Variants in ABLIM2 observed in about 807,000 individuals in gnomAD.
ABLIM2 encodes actin binding LIM protein family member 2.
In ABLIM2, 53 loss-of-function variants were observed where a neutral mutation model predicts 97.7. The observed-to-expected ratio is 0.54, with a 90% CI of 0.44 to 0.68. The LOEUF is 0.68. Ranked by LOEUF, ABLIM2 falls within the 30% of genes least tolerant of loss-of-function variation. ABLIM2 has a pLI of 0.00. For synonymous variants in ABLIM2, 361 were observed against 345.8 expected, an observed-to-expected ratio of 1.04 and a Z score of -0.49; for missense variants, 835 against 867.2, an observed-to-expected ratio of 0.96 and a Z score of 0.47.
Position 8,140,157 on chromosome 4 carries a change from ATACC to A in ABLIM2, c.10+18519_10+18522del, listed in dbSNP as rs1850750383. Among the ~76,000 whole-genome samples, 1 of 152,110 alleles carries A rather than the reference ATACC, an allele frequency of 6.6e-6. No homozygotes were observed. Among genetic ancestry groups the A allele is most frequent in the Non-Finnish European group, 1.5e-5 (1 of 68,014 alleles). On this transcript the variant is annotated intron_variant, in intron 1 of 20. Transcript: ENST00000447017. The surrounding 1 kb of genome is among the most constrained non-coding windows in gnomAD (Gnocchi z 5.9). ...AAATAGCTAATGCACGCAGGGCTCAATACCTTGGTGTGGGTTAACAGGTGCGGCA... is the reference window on the plus strand; with the variant it reads ...AAATAGCTAATGCACGCAGGGCTCAATTGGTGTGGGTTAACAGGTGCGGCA...
chr4:8,152,639 C>T (rs540777394), intron 1 of ABLIM2, among the ~76,000 whole-genome samples: 7 of 152,310 alleles, frequency 4.6e-5, no homozygotes, highest in South Asian at 4.1e-4. Flanking sequence ...TCTGCTCTTT[C>T]GGGGCTTCCC....
At position 8,019,624 on chromosome 4, in the gene ABLIM2, G is replaced by A. The variant is rs139932217; in HGVS notation, c.1417C>T (p.Gln473Ter). The A allele has an allele frequency of 6.2e-7, 1 of 1,612,078 alleles. No individual in the cohort carries two copies. ...GGGAGGAATCCAACCGTACCATGCT[G>A]TCTGTAGATAGGGGGTTTCCTATAG... is the stretch of plus-strand genomic sequence containing the variant. ...NIYRKPPIYR[Q>*]HAARRSDGED... The change falls in exon 14 of 21, where the codon CAG becomes TAG. Residue 473 changes from glutamine to a stop codon, truncating the protein, a stop_gained. Coordinates refer to ENST00000447017, the MANE Select transcript of ABLIM2 (RefSeq NM_001130083.2). LOFTEE classifies it high-confidence loss of function. This position sits in a 1 kb window ranked among gnomAD's most constrained non-coding sequence, Gnocchi z 4.3.
rs1171774606 is a variant in ABLIM2 at position 8,019,960 on chromosome 4, G to A, written c.1369+242C>T. On this transcript the variant is annotated intron_variant, in intron 13 of 20. Transcript: ENST00000447017. The surrounding 1 kb of genome is among the most constrained non-coding windows in gnomAD (Gnocchi z 4.3). ...CTTTTCCTTCACCCCATTCCCAGGAGGACAGGTGTATCTCCCTGCCGTTTG... is the reference window on the plus strand; with the variant it reads ...CTTTTCCTTCACCCCATTCCCAGGAAGACAGGTGTATCTCCCTGCCGTTTG... Among the ~76,000 whole-genome samples, 2 of 152,188 alleles carry A rather than the reference G, an allele frequency of 1.3e-5. No individual in the cohort carries two copies. The highest frequency in any genetic ancestry group is 4.8e-5 in the African/African-American group (2 of 41,430).
In ABLIM2 at chr4:8,132,940, G is replaced by C. The variant is rs1215351807; in HGVS notation, c.10+25740C>G. On this transcript the variant is annotated intron_variant, in intron 1 of 20. Coordinates refer to ENST00000447017, the MANE Select transcript of ABLIM2 (RefSeq NM_001130083.2). The surrounding 1 kb of genome is among the most constrained non-coding windows in gnomAD (Gnocchi z 8.0). The stretch of plus-strand genomic sequence containing the variant: ...GGTGTCCCGTGGCTGCTGTGACACA[G>C]TGCCACAGACGGCAGCTTAACAACA... Among the ~76,000 whole-genome samples, 2 of 152,182 alleles carry C rather than the reference G, an allele frequency of 1.3e-5. No individual in the cohort carries two copies. Among genetic ancestry groups the C allele is most frequent in the African/African-American group, 4.8e-5 (2 of 41,452 alleles).
At chr4:8,006,412 C>T (rs952223382) in intron 16 of ABLIM2, among the ~76,000 whole-genome samples, 3 of 152,224 alleles carry the variant, frequency 2.0e-5, no homozygotes, top group African/African-American at 7.2e-5. Flanking sequence ...CCCAGCCTTG[C>T]AGAGTTCTGC....
At chr4:8,052,314 G>A (rs1796545291) in intron 8 of ABLIM2, among the ~76,000 whole-genome samples, 1 of 152,298 alleles carries the variant, frequency 6.6e-6, no homozygotes. Context: ...GGGCCCTGTG[G>A]TCACTTCGGA....
chr4:8,042,592 G>A (rs896284747), intron 9 of ABLIM2, among the ~76,000 whole-genome samples: 6 of 152,316 alleles, frequency 3.9e-5, no homozygotes, highest in Admixed American at 3.9e-4. Flanking sequence ...TGTAACCCCA[G>A]CACTGTGGCA....
chr4:7,972,287 C>T (rs1291434758), intron 20 of ABLIM2, among the ~76,000 whole-genome samples: 2 of 152,194 alleles, frequency 1.3e-5, no homozygotes, highest in Non-Finnish European at 2.9e-5. Context: ...TCCTCTGCTG[C>T]GTGGTGTACT....
At position 8,128,326 on chromosome 4, in the gene ABLIM2, C is replaced by T. The variant is rs962932469; in HGVS notation, c.11-21689G>A. On this transcript the variant is annotated intron_variant, in intron 1 of 20. Coordinates refer to ENST00000447017, the MANE Select transcript of ABLIM2 (RefSeq NM_001130083.2). The surrounding 1 kb of genome is among the most constrained non-coding windows in gnomAD (Gnocchi z 4.9). ...CACCCAAACAAGGTCACATTCAGAGCTTCCAGGTGGGTGGGGCCACAAGAA... is the reference window on the plus strand; with the variant it reads ...CACCCAAACAAGGTCACATTCAGAGTTTCCAGGTGGGTGGGGCCACAAGAA... Among the ~76,000 whole-genome samples, 2 of 152,170 alleles carry T rather than the reference C, an allele frequency of 1.3e-5. No individual in the cohort carries two copies. The highest frequency in any genetic ancestry group is 2.4e-5 in the African/African-American group (1 of 41,434).
rs893264423 is a variant in ABLIM2 at position 8,140,994 on chromosome 4, C to T, written c.10+17686G>A. Among the ~76,000 whole-genome samples, 5 of 152,108 alleles carry T rather than the reference C, an allele frequency of 3.3e-5. No individual in the cohort carries two copies. The highest frequency in any genetic ancestry group is 2.0e-4 in the Admixed American group (3 of 15,270). On this transcript the variant is annotated intron_variant, in intron 1 of 20. Transcript: ENST00000447017. The surrounding 1 kb of genome is among the most constrained non-coding windows in gnomAD (Gnocchi z 5.9). ...GGTCTCCAAGGCCACTGAACCTGACCTCAGGCTCAGGTGGACCCTGCCCCT... is the reference window on the plus strand; with the variant it reads ...GGTCTCCAAGGCCACTGAACCTGACTTCAGGCTCAGGTGGACCCTGCCCCT...
chr4:7,996,444 C>G lies in ABLIM2; in HGVS notation c.1619-3517G>C, dbSNP rs1753351915. On this transcript the variant is annotated intron_variant, in intron 16 of 20. Transcript: ENST00000447017. The surrounding 1 kb of genome is among the most constrained non-coding windows in gnomAD (Gnocchi z 4.5). ...CCGCCGACCGGTCTCAACTTTTAAC[C>G]ACTTCACATGCAGGTGGAAACCTTG... Among the ~76,000 whole-genome samples, 1 of 152,182 alleles carries G rather than the reference C, an allele frequency of 6.6e-6. No homozygotes were observed. Among genetic ancestry groups the G allele is most frequent in the African/African-American group, 2.4e-5 (1 of 41,446 alleles).
At chr4:8,103,811 T>C (rs1835867186) in intron 2 of ABLIM2, among the ~76,000 whole-genome samples, 2 of 152,234 alleles carry the variant, frequency 1.3e-5, no homozygotes, top group South Asian at 4.1e-4. Flanking sequence ...CAGGAGGTGA[T>C]GAGCTTGACT....
rs1561332729 is a variant in ABLIM2 at position 8,091,574 on chromosome 4, TTTTATATAAAATTA to T, written c.339-3304_339-3291del. Among the ~76,000 whole-genome samples, 20 of 35,392 alleles carry T rather than the reference TTTTATATAAAATTA, an allele frequency of 5.7e-4. 2 individuals are homozygous for T. In the South Asian group the frequency reaches 0.012, roughly 21 times the overall value. 23.2% of individuals were successfully genotyped at this position (35,392 alleles called of 152,430 possible). On this transcript the variant is annotated intron_variant, in intron 3 of 20. Transcript: ENST00000447017. ...TTATAATTATATATATTATATATAA[TTTTATATAAAATTA>T]TATATATAATTATATATATTATGTA...
rs1307160664 is a variant in ABLIM2 at position 8,069,702 on chromosome 4, T to G, written c.675+7926A>C. Among the ~76,000 whole-genome samples the G allele has an allele frequency of 2.6e-5, 4 of 151,976 alleles. No individual in the cohort carries two copies. Among genetic ancestry groups the G allele is most frequent in the African/African-American group, 9.7e-5 (4 of 41,368 alleles). Reference sequence around the variant, plus strand: ...TCTGTGTGTGTTTGTGTGTTGTCTGTGTGTTGCTATGTGCAGTCTCTGTGT... The same window carrying G: ...TCTGTGTGTGTTTGTGTGTTGTCTGGGTGTTGCTATGTGCAGTCTCTGTGT... On this transcript the variant is annotated intron_variant, in intron 6 of 20. Transcript: ENST00000447017. This position sits in a 1 kb window ranked among gnomAD's most constrained non-coding sequence, Gnocchi z 4.2.
intron 17 of ABLIM2, among the ~76,000 whole-genome samples, chr4:7,991,765 C>T (rs571714899): frequency 6.6e-5 from 10 of 152,182 alleles, no homozygotes; most frequent in South Asian, 2.1e-4. Flanking sequence ...GGGGGAGATC[C>T]GGGGAGGCTG....
At chr4:8,049,202 C>G (rs1794474366) in intron 8 of ABLIM2, among the ~76,000 whole-genome samples, 2 of 152,258 alleles carry the variant, frequency 1.3e-5, no homozygotes, top group Non-Finnish European at 2.9e-5. Context: ...TCTTATTCAC[C>G]TCTATGTTCA....
chr4:8,047,841 C>T (rs546772026), intron 8 of ABLIM2, among the ~76,000 whole-genome samples: 1 of 152,368 alleles, frequency 6.6e-6, no homozygotes, highest in South Asian at 2.1e-4. Context: ...ACTATTATTT[C>T]AGCTCAAGGT....
intron 9 of ABLIM2, among the ~76,000 whole-genome samples, chr4:8,038,488 C>A (rs541632650): frequency 1.3e-5 from 2 of 152,278 alleles, no homozygotes; most frequent in South Asian, 4.1e-4. Flanking sequence ...GGCAGCTTCA[C>A]CCTAAGCTGT....
In ABLIM2 at chr4:8,010,879, T is replaced by C. The variant is rs117687298; in HGVS notation, c.1424-1777A>G. ...TACATCAGCGATGACTCTTGGCAGCTGCCCAGCAAGTCCCAGGGAGAAGGC... is the reference window on the plus strand; with the variant it reads ...TACATCAGCGATGACTCTTGGCAGCCGCCCAGCAAGTCCCAGGGAGAAGGC... On this transcript the variant is annotated intron_variant, in intron 14 of 20. Coordinates refer to ENST00000447017, the MANE Select transcript of ABLIM2 (RefSeq NM_001130083.2). Among the ~76,000 whole-genome samples the C allele has an allele frequency of 3.7e-4, 57 of 152,320 alleles. 1 individual carries two copies. The East Asian group carries it at 0.011, about 29-fold the overall frequency.
Sources: allele counts gnomAD v4.1 joint callset (sites outside exome capture counted in the v4.1 genomes callset), GRCh38; gene constraint gnomAD v4.1.1; non-coding constraint Gnocchi (gnomAD v3.1); transcripts MANE v1.5; gene names NCBI Gene and HGNC (gene_info 2026-07-23, HGNC 2026-07-21).